The following TP53I11 variants were observed in gnomAD, a reference collection of about 807,000 sequenced individuals.
TP53I11 encodes the protein tumor protein p53 inducible protein 11, also known as tumor protein p53-inducible protein 11.
A neutral mutation model predicts 23.3 loss-of-function variants in TP53I11; 9 were observed. The ratio of observed to expected loss-of-function variants is 0.39; its 90% CI spans 0.23 to 0.67. The LOEUF is 0.67. Ranked by LOEUF, TP53I11 falls within the 30% of genes least tolerant of loss-of-function variation. The probability of loss-of-function intolerance (pLI) is 0.48; values close to 1 mark genes in which losing one functional copy is unlikely to be tolerated. For missense variants in TP53I11, 170 were observed against 255.2 expected (o/e 0.67, Z 2.27); for synonymous variants, 100 against 106.1 (o/e 0.94, Z 0.35).
intron 1 of TP53I11, chr11:44,949,949 G>C (rs976520210): frequency 6.6e-6 from 1 of 152,330 alleles, no homozygotes; most frequent in African/African-American, 2.4e-5. Flanking sequence ...ATCTGTCCCT[G>C]ATGTCCCCGC....
chr11:44,947,078 CAAG>C (rs2135510261), intron 1 of TP53I11: 1 of 456,336 alleles, frequency 2.2e-6, no homozygotes, highest in East Asian at 6.9e-5. Context: ...GAGCAGGTGG[CAAG>C]AAGGAGGCAT....
At position 44,946,596 on chromosome 11, in the gene TP53I11, G is replaced by A. The variant is rs73456470; in HGVS notation, c.-32+4081C>T. ...GCTCTGCAGTTGAGAAAGGTTCCAC[G>A]CCCCATTTCCAAGAACCTCCAGGAA... is the stretch of plus-strand genomic sequence containing the variant. On this transcript the variant is annotated intron_variant, in intron 1 of 6. Transcript: ENST00000525680. Among the ~76,000 whole-genome samples the A allele has an allele frequency of 4.2e-3, 644 of 152,320 alleles. 5 individuals are homozygous for A. The highest frequency in any genetic ancestry group is 0.014 in the African/African-American group (568 of 41,566).
rs550136104 is a variant in TP53I11, at chr11:44,934,992, C to T, written c.462G>A (p.Thr154=). The change falls in exon 7 of 7, where the codon ACG becomes ACA. Residue 154 remains threonine (T), a synonymous_variant. Coordinates refer to ENST00000525680, the MANE Select transcript of TP53I11 (RefSeq NM_006034.5). The stretch of plus-strand genomic sequence containing the variant: ...GCAGGATCCCCAGGGACATGAGGCC[C>T]GTCTCAGCTAGCGTGGCAGTGACCA... ...FLVVTATLAE[T]GLMSLGILLL... 31 of 1,613,850 alleles carry T rather than the reference C, an allele frequency of 1.9e-5. No homozygotes were observed. Among genetic ancestry groups the T allele is most frequent in the Non-Finnish European group, 2.3e-5 (27 of 1,179,994 alleles).
intron 1 of TP53I11, among the ~76,000 whole-genome samples, chr11:44,949,081 A>G (rs1369179385): frequency 6.6e-6 from 1 of 152,178 alleles, no homozygotes. Context: ...GATGGTGGGG[A>G]CAGAGGGGGC....
chr11:44,935,053 AGG>A, intron 6 of TP53I11, 36 bp from the exon 7 acceptor site: 1 of 1,611,288 alleles, frequency 6.2e-7, no homozygotes, highest in Non-Finnish European at 8.5e-7. Context: ...ACAGGGTCAG[AGG>A]AGGGGATGTG....
In TP53I11 at chr11:44,935,269, G is replaced by C. The variant is rs532227369; in HGVS notation, c.437-252C>G. ...AAATTGAATGCGTGTTATTACACAC[G>C]TGCTGGGTACAGTGGGCAGTGGGTG... is the stretch of plus-strand genomic sequence containing the variant. On this transcript the variant is annotated intron_variant, in intron 6 of 6. Transcript: ENST00000525680. 1.4e-4 allele frequency among the ~76,000 whole-genome samples: 22 copies of C among 151,768 alleles called. 2 individuals are homozygous for C. In the South Asian group the frequency reaches 4.6e-3, roughly 31 times the overall value.
In TP53I11 at chr11:44,936,433, G is replaced by A. The variant is rs550856840; in HGVS notation, c.334+370C>T. 109 of 1,232,104 alleles carry A rather than the reference G, an allele frequency of 8.8e-5. 2 individuals carry two copies. In the South Asian group the frequency reaches 4.2e-3, roughly 47 times the overall value. 76.3% of individuals were successfully genotyped at this position (1,232,104 alleles called of 1,614,324 possible). A position where few individuals can be genotyped will look rare whatever the true frequency, so the allele number is the denominator to read the frequency against. ...CAGAAGTGGCTCTGGGGATAAAATA[G>A]GGGGGGTGCGAGGGGTTTTGCAGAC... On this transcript the variant is annotated intron_variant, in intron 5 of 6. Coordinates refer to ENST00000525680, the MANE Select transcript of TP53I11 (RefSeq NM_006034.5). The surrounding 1 kb of genome is among the most constrained non-coding windows in gnomAD (Gnocchi z 4.4).
chr11:44,937,360 G>A lies in TP53I11; in HGVS notation c.189-8C>T, dbSNP rs201999422. ...GAGACGAACTGCCAGACCCTGGGAG[G>A]CGTGGAAAGAAGATCACAGCCCTGC... On this transcript the variant is annotated splice_region_variant and splice_polypyrimidine_tract_variant and intron_variant, in intron 3 of 6. Transcript: ENST00000525680. The A allele has an allele frequency of 2.0e-3, 2,955 of 1,474,916 alleles. 10 individuals carry two copies. Among genetic ancestry groups the A allele is most frequent in the South Asian group, 9.2e-3 (649 of 70,788 alleles). 91.4% of individuals were successfully genotyped at this position (1,474,916 alleles called of 1,614,324 possible).
chr11:44,940,061 G>A (rs1050663209), intron 1 of TP53I11, among the ~76,000 whole-genome samples: 7 of 152,214 alleles, frequency 4.6e-5, no homozygotes, highest in African/African-American at 7.2e-5. Context: ...CCAGGACGCC[G>A]TCCTGACACC....
rs972398064 is a variant in TP53I11 at position 44,950,661 on chromosome 11, G to C, written c.-32+16C>G. 4 of 152,290 alleles carry C rather than the reference G, an allele frequency of 2.6e-5. No homozygotes were observed. The highest frequency in any genetic ancestry group is 6.6e-5 in the Admixed American group (1 of 15,262). 9.4% of individuals were successfully genotyped at this position (152,290 alleles called of 1,614,324 possible). ...AAGTCCGCGGCTCGGAAGCGGCGGCGGGGAGCAGAACTTACGGGCCTCGCG... is the reference window on the plus strand; with the variant it reads ...AAGTCCGCGGCTCGGAAGCGGCGGCCGGGAGCAGAACTTACGGGCCTCGCG... On this transcript the variant is annotated intron_variant, in intron 1 of 6. Transcript: ENST00000525680.
At chr11:44,942,398 AACACCACACAC>A (rs1281770322) in intron 1 of TP53I11, among the ~76,000 whole-genome samples, 143 of 116,516 alleles carry the variant, frequency 1.2e-3, no homozygotes, top group African/African-American at 4.0e-3. Context: ...ACAAACCACA[AACACCACACAC>A]ACACCACACA....
chr11:44,946,927 C>T (rs934782041), intron 1 of TP53I11: 3 of 440,332 alleles, frequency 6.8e-6, no homozygotes, highest in African/African-American at 2.0e-5. Flanking sequence ...CAGGTCCTAT[C>T]TTCCTACTCT....
rs1447173270 is a variant in TP53I11, at chr11:44,932,531, C to T, written c.*2353G>A. 1 of 152,308 alleles carries T rather than the reference C, an allele frequency of 6.6e-6. No homozygotes were observed. Among genetic ancestry groups the T allele is most frequent in the African/African-American group, 2.4e-5 (1 of 41,420 alleles). The allele number at this position is 152,308 out of a possible 1,614,324, so 9.4% of individuals were successfully genotyped here. A position where few individuals can be genotyped will look rare whatever the true frequency, so the allele number is the denominator to read the frequency against. Reference sequence around the variant, plus strand: ...CTGGGAGAAGAGGCGTTCCAGGTCACCCCAAACGGAGCGTAGAGCGGGCCC... The same window carrying T: ...CTGGGAGAAGAGGCGTTCCAGGTCATCCCAAACGGAGCGTAGAGCGGGCCC... On this transcript the variant is annotated 3_prime_UTR_variant, in exon 7 of 7. Coordinates refer to ENST00000525680, the MANE Select transcript of TP53I11 (RefSeq NM_006034.5).
In TP53I11 at chr11:44,935,674, G is replaced by GTTTCA; in HGVS notation, c.335-13_335-12insTGAAA. On this transcript the variant is annotated splice_polypyrimidine_tract_variant and intron_variant, in intron 5 of 6. Coordinates refer to ENST00000525680, the MANE Select transcript of TP53I11 (RefSeq NM_006034.5). Reference sequence around the variant, plus strand: ...GATCAGGGAGATGCCTGGGGCGGGGGATGAAAAGGGGGCTGGGGGTGGGAC... The same window carrying GTTTCA: ...GATCAGGGAGATGCCTGGGGCGGGGGTTTCAATGAAAAGGGGGCTGGGGGTGGGAC... 2 of 626,958 alleles carry GTTTCA rather than the reference G, an allele frequency of 3.2e-6. No individual in the cohort carries two copies. Among genetic ancestry groups the GTTTCA allele is most frequent in the East Asian group, 4.6e-5 (1 of 21,714 alleles). The allele number at this position is 626,958 out of a possible 1,614,324, so 38.8% of individuals were successfully genotyped here. A position where few individuals can be genotyped will look rare whatever the true frequency, so the allele number is the denominator to read the frequency against.
Position 44,935,320 on chromosome 11 carries a change from T to C in TP53I11, c.436+241A>G, listed in dbSNP as rs549283320. ...TGGGGGGGCCGCAGGTACATGTGTG[T>C]GCAAGGCCATAGATACAAGTGTGTG... On this transcript the variant is annotated intron_variant, in intron 6 of 6. Transcript: ENST00000525680. Among the ~76,000 whole-genome samples, 864 of 152,268 alleles carry C rather than the reference T, an allele frequency of 5.7e-3. 4 individuals carry two copies. The highest frequency in any genetic ancestry group is 0.02 in the African/African-American group (834 of 41,540).
At chr11:44,944,360 T>G (rs2135493046) in intron 1 of TP53I11, among the ~76,000 whole-genome samples, 1 of 152,198 alleles carries the variant, frequency 6.6e-6, no homozygotes, top group Admixed American at 6.5e-5. Context: ...TCAACAGGCA[T>G]TTGTGATTGA....
intron 1 of TP53I11, among the ~76,000 whole-genome samples, chr11:44,940,000 C>T (rs1396003911): frequency 3.3e-5 from 5 of 152,214 alleles, no homozygotes; most frequent in Admixed American, 2.6e-4. Context: ...CCAACCCTAC[C>T]CTGCCAGGGA....
intron 4 of TP53I11, 75 bp downstream of exon 4, chr11:44,937,229 C>T: frequency 6.5e-7 from 1 of 1,529,742 alleles, no homozygotes; most frequent in Non-Finnish European, 8.9e-7. Flanking sequence ...ATGGAGGAGG[C>T]ACCTCTGGTG....
intron 1 of TP53I11, among the ~76,000 whole-genome samples, chr11:44,939,667 G>A (rs918785839): frequency 1.3e-5 from 2 of 152,208 alleles, no homozygotes; most frequent in African/African-American, 2.4e-5. Flanking sequence ...TCAAACTGTG[G>A]GGTCTGTGAA....
Sources: gnomAD v4.1 joint callset for allele counts (sites outside exome capture counted in the v4.1 genomes callset) on GRCh38, gnomAD v4.1.1 for gene constraint, Gnocchi (gnomAD v3.1) non-coding constraint, MANE v1.5 for transcripts, NCBI Gene and HGNC (gene_info 2026-07-23, HGNC 2026-07-21) for gene names.